Variants in NCOA7 observed in about 807,000 individuals in gnomAD.
NCOA7 encodes the protein nuclear receptor coactivator 7.
In NCOA7, 45 loss-of-function variants were observed where a neutral mutation model predicts 104.3. The ratio of observed to expected loss-of-function variants is 0.43; its 90% CI spans 0.34 to 0.55. The LOEUF (loss-of-function observed/expected upper bound fraction) is 0.55, where lower values mean the gene tolerates loss of function less well. Ranked by LOEUF, NCOA7 falls within the 20% of genes least tolerant of loss-of-function variation. The pLI, the probability that NCOA7 is intolerant of heterozygous loss-of-function variation, is 0.02. For missense variants in NCOA7, 1,041 were observed against 1,119.7 expected (o/e 0.93, Z 1.00); for synonymous variants, 398 against 402.3 (o/e 0.99, Z 0.13).
intron 4 of NCOA7, among the ~76,000 whole-genome samples, chr6:125,876,327 A>C (rs1783375495): frequency 6.6e-6 from 1 of 152,210 alleles, no homozygotes; most frequent in Non-Finnish European, 1.5e-5. Flanking sequence ...AGTCATTTTT[A>C]GAAAGGATTT....
At chr6:125,837,978 G>A (rs1296304950) in intron 2 of NCOA7, among the ~76,000 whole-genome samples, 1 of 152,164 alleles carries the variant, frequency 6.6e-6, no homozygotes, top group Non-Finnish European at 1.5e-5. Context: ...CTCTTAATGA[G>A]TAGAGCACAC....
chr6:125,782,671 T>C (rs1774280650), intron 1 of NCOA7, among the ~76,000 whole-genome samples: 1 of 152,194 alleles, frequency 6.6e-6, no homozygotes, highest in Non-Finnish European at 1.5e-5. Context: ...TTTAAATATT[T>C]CTTCTGGCAG....
chr6:125,785,849 C>A (rs1183889303), intron 1 of NCOA7, among the ~76,000 whole-genome samples: 1 of 152,162 alleles, frequency 6.6e-6, no homozygotes, highest in Non-Finnish European at 1.5e-5. Flanking sequence ...GACATGATGA[C>A]AGCTATGCGG....
intron 5 of NCOA7, among the ~76,000 whole-genome samples, chr6:125,878,609 A>G (rs1022048853): frequency 6.6e-6 from 1 of 152,110 alleles, no homozygotes; most frequent in Non-Finnish European, 1.5e-5. Flanking sequence ...CCCTGGGCTC[A>G]AGCAATCCTC....
chr6:125,839,265 A>C (rs543937012), intron 2 of NCOA7, among the ~76,000 whole-genome samples: 1 of 152,128 alleles, frequency 6.6e-6, no homozygotes, highest in South Asian at 2.1e-4. Flanking sequence ...CTGCAGGTGC[A>C]TGCCACCACG....
chr6:125,855,820 A>G (rs1781504492), intron 3 of NCOA7, among the ~76,000 whole-genome samples: 1 of 152,006 alleles, frequency 6.6e-6, no homozygotes. Context: ...AGTAGCTGGG[A>G]TTACAGGTGC....
intron 5 of NCOA7, among the ~76,000 whole-genome samples, chr6:125,878,676 A>G (rs761991474): frequency 2.0e-5 from 3 of 152,054 alleles, no homozygotes; most frequent in Non-Finnish European, 2.9e-5. Context: ...CACCCAGCTC[A>G]ACTTTACGAT....
Position 125,878,271 on chromosome 6 carries a change from C to T in NCOA7, c.360C>T (p.Asn120=). The part of the protein sequence containing the change: ...PHGTMEYTAG[N]QDTLNSIALK... ...CTGTTTGATTATTCTAGGCTGGAAA[C>T]CAGGACACCCTAAACTCCATAGCAC... The change falls in exon 5 of 16, where the codon AAC becomes AAT. Residue 120 remains asparagine, a synonymous_variant. Coordinates refer to ENST00000392477, the MANE Select transcript of NCOA7 (RefSeq NM_181782.5). 6.2e-7 allele frequency: 1 copy of T among 1,607,440 alleles called. No individual in the cohort carries two copies.
upstream of NCOA7, among the ~76,000 whole-genome samples, chr6:125,789,153 T>C (rs140677176): frequency 0.011 from 1,600 of 152,298 alleles, 23 homozygotes; most frequent in Non-Finnish European, 0.017. Context: ...ATTCCTATAA[T>C]CAAGTAATTC....
At chr6:125,856,446 G>A (rs1469903419) in intron 3 of NCOA7, among the ~76,000 whole-genome samples, 2 of 151,894 alleles carry the variant, frequency 1.3e-5, no homozygotes, top group Admixed American at 6.6e-5. Flanking sequence ...TCTGCCTCCC[G>A]GGTTCACACC....
intron 10 of NCOA7, chr6:125,899,881 ATCT>A (rs1254611969): frequency 8.7e-6 from 4 of 462,264 alleles, no homozygotes; most frequent in East Asian, 6.1e-5. Flanking sequence ...TGAAAAAATA[ATCT>A]TCTTTGTAAG....
At chr6:125,872,318 C>A (rs1349512705) in intron 3 of NCOA7, among the ~76,000 whole-genome samples, 1 of 152,182 alleles carries the variant, frequency 6.6e-6, no homozygotes, top group Non-Finnish European at 1.5e-5. Context: ...TTTAGTAGCG[C>A]TCCCCATTGG....
intron 2 of NCOA7, among the ~76,000 whole-genome samples, chr6:125,815,951 C>T (rs1028267578): frequency 6.6e-6 from 1 of 152,102 alleles, no homozygotes; most frequent in African/African-American, 2.4e-5. Context: ...TGATTGGTTA[C>T]CATTTACAGA....
rs146470413 is a variant in NCOA7, at chr6:125,889,515, T to C, written c.1461T>C (p.Cys487=). The part of the protein sequence containing the change: ...ELKGALDLET[C]EKQDIMPEVD... ...AGGGGGCGCTAGATTTAGAAACCTG[T>C]GAGAAGCAAGATATAATGCCAGAAG... is the stretch of plus-strand genomic sequence containing the variant. The change falls in exon 9 of 16, where the codon TGT becomes TGC. Residue 487 remains cysteine, a synonymous_variant. Transcript: ENST00000392477. 19 of 1,614,030 alleles carry C rather than the reference T, an allele frequency of 1.2e-5. No homozygotes were observed. The East Asian group carries it at 4.2e-4, about 36-fold the overall frequency.
chr6:125,893,518 T>C (rs1411041380), intron 10 of NCOA7, among the ~76,000 whole-genome samples: 1 of 152,160 alleles, frequency 6.6e-6, no homozygotes. Context: ...TCCTTCTTTA[T>C]TTACAATGTA....
intron 2 of NCOA7, among the ~76,000 whole-genome samples, chr6:125,817,844 T>C (rs1286996360): frequency 6.6e-6 from 1 of 152,198 alleles, no homozygotes; most frequent in African/African-American, 2.4e-5. Context: ...CTGAAGATTC[T>C]CTCCTGTTTT....
At chr6:125,916,040 TC>T (rs1158902847) in intron 11 of NCOA7, among the ~76,000 whole-genome samples, 1 of 152,180 alleles carries the variant, frequency 6.6e-6, no homozygotes, top group Admixed American at 6.5e-5. Context: ...TGGCTCCACG[TC>T]CCCATGCAAA....
At chr6:125,859,611 G>T (rs1183722324) in intron 3 of NCOA7, among the ~76,000 whole-genome samples, 1 of 152,004 alleles carries the variant, frequency 6.6e-6, no homozygotes, top group African/African-American at 2.4e-5. Context: ...TTAATAATCA[G>T]AAAATAGAGT....
intron 10 of NCOA7, among the ~76,000 whole-genome samples, chr6:125,908,443 T>C (rs1313058148): frequency 2.0e-5 from 3 of 152,194 alleles, no homozygotes; most frequent in African/African-American, 4.8e-5. Flanking sequence ...CTAACCCCTT[T>C]GGAGAGTTTC....
Sources: allele counts gnomAD v4.1 joint callset (sites outside exome capture counted in the v4.1 genomes callset), GRCh38; gene constraint gnomAD v4.1.1; transcripts MANE v1.5; gene names NCBI Gene and HGNC (gene_info 2026-07-23, HGNC 2026-07-21).